Variants in NR2F1-AS1 observed in about 807,000 individuals in gnomAD.
NR2F1-AS1 encodes the protein NR2F1 antisense RNA 1.
intron 1 of NR2F1-AS1, among the ~76,000 whole-genome samples, chr5:93,572,667 C>G (rs1212180398): frequency 6.6e-6 from 1 of 152,198 alleles, no homozygotes; most frequent in Non-Finnish European, 1.5e-5. Flanking sequence ...GACTCCAGAT[C>G]CCTGCCTTTT....
intron 4 of NR2F1-AS1, among the ~76,000 whole-genome samples, chr5:93,437,764 T>C (rs1414902031): frequency 1.3e-5 from 2 of 152,252 alleles, no homozygotes; most frequent in African/African-American, 4.8e-5. Flanking sequence ...TACAAGCAAC[T>C]ATCACGTTAT....
chr5:93,457,966 T>C (rs1331465254), intron 4 of NR2F1-AS1, among the ~76,000 whole-genome samples: 1 of 152,170 alleles, frequency 6.6e-6, no homozygotes. Flanking sequence ...AGGCTGACTG[T>C]AGACATACTC....
At chr5:93,528,996 T>C (rs544228472) in intron 4 of NR2F1-AS1, among the ~76,000 whole-genome samples, 1 of 152,192 alleles carries the variant, frequency 6.6e-6, no homozygotes, top group East Asian at 1.9e-4. Flanking sequence ...TGTATATCTA[T>C]GTAACAAACC....
chr5:93,494,696 C>G (rs1214327543), intron 4 of NR2F1-AS1, among the ~76,000 whole-genome samples: 1 of 152,150 alleles, frequency 6.6e-6, no homozygotes, highest in African/African-American at 2.4e-5. Flanking sequence ...GGTGCAGCTG[C>G]TGTGGAAAAC....
chr5:93,432,117 T>G (rs1358711221), intron 4 of NR2F1-AS1, among the ~76,000 whole-genome samples: 3 of 152,222 alleles, frequency 2.0e-5, no homozygotes, highest in Non-Finnish European at 4.4e-5. Context: ...TTTATTATTA[T>G]TGCTTGTCAG....
At chr5:93,557,640 G>A (rs1028415492) in intron 2 of NR2F1-AS1, among the ~76,000 whole-genome samples, 1 of 152,154 alleles carries the variant, frequency 6.6e-6, no homozygotes, top group African/African-American at 2.4e-5. Context: ...TGCTAGTGGA[G>A]AGTCTTGCCT....
At chr5:93,471,225 C>T (rs958123815) in intron 4 of NR2F1-AS1, among the ~76,000 whole-genome samples, 19 of 151,692 alleles carry the variant, frequency 1.3e-4, no homozygotes, top group African/African-American at 3.1e-4. Flanking sequence ...TTCTTCTGTC[C>T]GAAAGTCTCA....
chr5:93,437,526 A>G (rs1460532554), intron 4 of NR2F1-AS1, among the ~76,000 whole-genome samples: 11 of 152,172 alleles, frequency 7.2e-5, no homozygotes, highest in Non-Finnish European at 1.5e-5. Context: ...AAAGCAGGCA[A>G]AAGTCACAGT....
intron 1 of NR2F1-AS1, among the ~76,000 whole-genome samples, chr5:93,564,133 AAAAAAAAAAAAAAAAAAC>A (rs1561506090): frequency 7.9e-6 from 1 of 125,938 alleles, no homozygotes; most frequent in African/African-American, 3.5e-5. Flanking sequence ...AAAAAAAAAA[AAAAAAAAAAAAAAAAAAC>A]ACACAACTAC....
At chr5:93,444,160 AG>A (rs1475640297) in intron 4 of NR2F1-AS1, among the ~76,000 whole-genome samples, 1 of 152,228 alleles carries the variant, frequency 6.6e-6, no homozygotes, top group African/African-American at 2.4e-5. Flanking sequence ...CAAAATAACC[AG>A]CTAACATCAT....
At chr5:93,444,558 TAG>T (rs1749650960) in intron 4 of NR2F1-AS1, among the ~76,000 whole-genome samples, 1 of 152,144 alleles carries the variant, frequency 6.6e-6, no homozygotes, top group Admixed American at 6.5e-5. Flanking sequence ...AGTAAGTCCT[TAG>T]AGACCTACAA....
At chr5:93,411,307 G>GGC (rs1310274367) in intron 4 of NR2F1-AS1, 1 of 152,230 alleles carries the variant, frequency 6.6e-6, no homozygotes, top group Non-Finnish European at 1.5e-5. Context: ...TGGCTAGTGA[G>GGC]GCACACCATC....
chr5:93,541,118 A>C (rs1267493424), intron 4 of NR2F1-AS1, among the ~76,000 whole-genome samples: 2 of 152,182 alleles, frequency 1.3e-5, no homozygotes, highest in Non-Finnish European at 2.9e-5. Context: ...TGAGGTAAGA[A>C]ATACACAACT....
At chr5:93,470,186 A>G (rs1407629597) in intron 4 of NR2F1-AS1, among the ~76,000 whole-genome samples, 2 of 151,990 alleles carry the variant, frequency 1.3e-5, no homozygotes, top group African/African-American at 4.8e-5. Flanking sequence ...TCAGCATAAT[A>G]CAATAAACAT....
chr5:93,516,095 G>T (rs1276055020), intron 4 of NR2F1-AS1, among the ~76,000 whole-genome samples: 2 of 151,792 alleles, frequency 1.3e-5, no homozygotes, highest in African/African-American at 4.8e-5. Flanking sequence ...CTCCTCAAAA[G>T]GAACTACTTC....
At chr5:93,564,142 A>C (rs1179629613) in intron 1 of NR2F1-AS1, among the ~76,000 whole-genome samples, 1 of 128,544 alleles carries the variant, frequency 7.8e-6, no homozygotes, top group Non-Finnish European at 1.6e-5. Flanking sequence ...AAAAAAAAAA[A>C]AAAAAAAACA....
intron 4 of NR2F1-AS1, among the ~76,000 whole-genome samples, chr5:93,544,215 C>A (rs1385440684): frequency 6.6e-6 from 1 of 151,798 alleles, no homozygotes; most frequent in African/African-American, 2.4e-5. Context: ...ATATGAGGAA[C>A]CATAGATCAG....
At chr5:93,554,573 G>T (rs1752309772) in intron 3 of NR2F1-AS1, among the ~76,000 whole-genome samples, 1 of 151,922 alleles carries the variant, frequency 6.6e-6, no homozygotes, top group South Asian at 2.1e-4. Context: ...TTATTTAGAA[G>T]AATAAGAAAT....
intron 4 of NR2F1-AS1, among the ~76,000 whole-genome samples, chr5:93,447,116 G>A (rs1290784436): frequency 6.6e-5 from 10 of 152,042 alleles, no homozygotes; most frequent in Non-Finnish European, 1.3e-4. Context: ...GAAAACCTAG[G>A]CAATACCATT....
Sources: gnomAD v4.1 joint callset for allele counts (sites outside exome capture counted in the v4.1 genomes callset) on GRCh38, gnomAD v4.1.1 for gene constraint, MANE v1.5 for transcripts, NCBI Gene and HGNC (gene_info 2026-07-23, HGNC 2026-07-21) for gene names.